Variants in DLG2 observed in about 807,000 individuals in gnomAD.
DLG2 encodes the protein disks large homolog 2.
In DLG2, 45 loss-of-function variants were observed where a neutral mutation model predicts 132.5. The ratio of observed to expected loss-of-function variants is 0.34; its 90% CI spans 0.27 to 0.44. The LOEUF (loss-of-function observed/expected upper bound fraction) is 0.44, where lower values mean the gene tolerates loss of function less well. Ranked by LOEUF, DLG2 falls within the 20% of genes least tolerant of loss-of-function variation. The probability of loss-of-function intolerance (pLI) is 1.00; values close to 1 mark genes in which losing one functional copy is unlikely to be tolerated. For synonymous variants in DLG2, 424 were observed against 419.6 expected, an observed-to-expected ratio of 1.01 and a Z score of -0.13; for missense variants, 1,045 against 1,196.9, an observed-to-expected ratio of 0.87 and a Z score of 1.87.
chr11:83,538,245 T>C (rs2095949588), intron 20 of DLG2, among the ~76,000 whole-genome samples: 1 of 152,222 alleles, frequency 6.6e-6, no homozygotes, highest in South Asian at 2.1e-4. Context: ...ACAGGTACCC[T>C]ACTTCAGGTG....
chr11:85,036,977 A>T lies in DLG2; in HGVS notation c.357+74684T>A, dbSNP rs938033456. 2.6e-5 allele frequency among the ~76,000 whole-genome samples: 4 copies of T among 152,204 alleles called. No individual in the cohort carries two copies. In the East Asian group the frequency reaches 7.7e-4, roughly 29 times the overall value. On this transcript the variant is annotated intron_variant, in intron 6 of 27. Coordinates refer to ENST00000376104, the MANE Select transcript of DLG2 (RefSeq NM_001142699.3). ...GTTTGTTCTCAGAAGTACCCCCAGGACTTAGATTAGTCTGTGGAATGTGAT... is the reference window on the plus strand; with the variant it reads ...GTTTGTTCTCAGAAGTACCCCCAGGTCTTAGATTAGTCTGTGGAATGTGAT...
intron 3 of DLG2, among the ~76,000 whole-genome samples, chr11:85,306,092 T>C (rs987360223): frequency 6.6e-6 from 1 of 152,090 alleles, no homozygotes; most frequent in African/African-American, 2.4e-5. Context: ...ATACAGAAAA[T>C]ACCCATCTTG....
At chr11:84,134,846 T>G (rs374430399) in intron 9 of DLG2, among the ~76,000 whole-genome samples, 1 of 151,956 alleles carries the variant, frequency 6.6e-6, no homozygotes, top group African/African-American at 2.4e-5. Flanking sequence ...CCTCTCCCTT[T>G]TCTGATGGTG....
chr11:85,485,094 T>G (rs1360997208), intron 3 of DLG2, among the ~76,000 whole-genome samples: 6 of 151,754 alleles, frequency 4.0e-5, no homozygotes, highest in African/African-American at 1.2e-4. Context: ...CAGCAAACTA[T>G]CGCAAGGACA....
At chr11:83,560,406 C>T (rs2096591465) in intron 19 of DLG2, among the ~76,000 whole-genome samples, 1 of 152,146 alleles carries the variant, frequency 6.6e-6, no homozygotes, top group Non-Finnish European at 1.5e-5. Context: ...GTGTGAGCCA[C>T]CGCAGCTGAC....
At chr11:83,832,546 C>G (rs1025083887) in intron 17 of DLG2, among the ~76,000 whole-genome samples, 2 of 151,878 alleles carry the variant, frequency 1.3e-5, no homozygotes, top group South Asian at 4.2e-4. Flanking sequence ...TAAGTGGGAG[C>G]GAAATACTGG....
rs141953814 is a variant in DLG2, at chr11:85,138,099, T to C, written c.282+16457A>G. 3.1e-3 allele frequency among the ~76,000 whole-genome samples: 468 copies of C among 152,272 alleles called. 1 individual carries two copies. The highest frequency in any genetic ancestry group is 0.011 in the African/African-American group (453 of 41,574). On this transcript the variant is annotated intron_variant, in intron 5 of 27. Coordinates refer to ENST00000376104, the MANE Select transcript of DLG2 (RefSeq NM_001142699.3). ...AATAATTGCTAATGAAATGAATTAA[T>C]TTTTAGTTTTAACCCATCTTTTAAT...
At chr11:84,715,674 T>C (rs979802493) in intron 6 of DLG2, among the ~76,000 whole-genome samples, 1 of 152,156 alleles carries the variant, frequency 6.6e-6, no homozygotes, top group Non-Finnish European at 1.5e-5. Context: ...TCCAGGTGTA[T>C]CCATGTTATT....
At chr11:84,844,340 C>A (rs2081202610) in intron 6 of DLG2, among the ~76,000 whole-genome samples, 1 of 151,234 alleles carries the variant, frequency 6.6e-6, no homozygotes, top group African/African-American at 2.4e-5. Context: ...TAGCACAATG[C>A]CTAGCACAGA....
chr11:85,583,096 G>A (rs1366600191), intron 3 of DLG2, among the ~76,000 whole-genome samples: 94 of 33,842 alleles, frequency 2.8e-3, no homozygotes, highest in African/African-American at 4.5e-3. Flanking sequence ...TGATGTGTGT[G>A]TGTGTGTGTG....
intron 6 of DLG2, among the ~76,000 whole-genome samples, chr11:84,741,383 C>T (rs1324919946): frequency 3.3e-5 from 5 of 152,076 alleles, no homozygotes; most frequent in Non-Finnish European, 7.4e-5. Flanking sequence ...GTAACAGCCC[C>T]ATGATTCCAA....
At chr11:85,413,580 A>G (rs1359081233) in intron 3 of DLG2, among the ~76,000 whole-genome samples, 2 of 151,956 alleles carry the variant, frequency 1.3e-5, no homozygotes, top group African/African-American at 4.8e-5. Flanking sequence ...TGATTTTTGT[A>G]TAAGGTGAAA....
intron 3 of DLG2, among the ~76,000 whole-genome samples, chr11:85,575,372 T>C (rs1185934799): frequency 6.6e-6 from 1 of 151,460 alleles, no homozygotes; most frequent in Non-Finnish European, 1.5e-5. Context: ...CCCATCTCTA[T>C]GAAAAAATTA....
Position 83,514,105 on chromosome 11 carries a change from T to C in DLG2, c.2193+18603A>G, listed in dbSNP as rs967077802. On this transcript the variant is annotated intron_variant, in intron 21 of 27. Transcript: ENST00000376104. ...CTTGATGGGGATGGCATTGAATCTA[T>C]AAATTACCTTGGGCAGTATGGCCAT... Among the ~76,000 whole-genome samples the C allele has an allele frequency of 6.6e-5, 10 of 152,210 alleles. 1 individual carries two copies. The highest frequency in any genetic ancestry group is 6.2e-4 in the South Asian group (3 of 4,830).
At chr11:84,369,087 T>C (rs1393317450) in intron 7 of DLG2, among the ~76,000 whole-genome samples, 2 of 152,192 alleles carry the variant, frequency 1.3e-5, no homozygotes, top group African/African-American at 4.8e-5. Flanking sequence ...TTCAATTTGA[T>C]TGCTCCAAAA....
intron 18 of DLG2, among the ~76,000 whole-genome samples, chr11:83,760,235 T>C (rs1247163277): frequency 6.6e-6 from 1 of 152,188 alleles, no homozygotes; most frequent in Non-Finnish European, 1.5e-5. Flanking sequence ...TCCAGGCTTA[T>C]GATGAATGAA....
At chr11:84,011,085 A>G (rs11233877) in intron 11 of DLG2, among the ~76,000 whole-genome samples, 1 of 151,962 alleles carries the variant, frequency 6.6e-6, no homozygotes, top group Non-Finnish European at 1.5e-5. Flanking sequence ...TATAAAAAAT[A>G]AAAAATAAAA....
intron 6 of DLG2, among the ~76,000 whole-genome samples, chr11:84,825,781 T>C (rs1023630772): frequency 2.6e-5 from 4 of 151,972 alleles, no homozygotes; most frequent in African/African-American, 7.2e-5. Context: ...TGTTATTCCA[T>C]AGACATATCC....
intron 8 of DLG2, among the ~76,000 whole-genome samples, chr11:84,219,746 T>G (rs1459553302): frequency 3.3e-5 from 5 of 152,218 alleles, no homozygotes; most frequent in Non-Finnish European, 7.3e-5. Context: ...CACAGAATAC[T>G]CAGACTTATG....
Sources: allele counts gnomAD v4.1 joint callset (sites outside exome capture counted in the v4.1 genomes callset), GRCh38; gene constraint gnomAD v4.1.1; transcripts MANE v1.5; gene names NCBI Gene and HGNC (gene_info 2026-07-23, HGNC 2026-07-21).